Variants in GLT1D1 observed in about 807,000 individuals in gnomAD.
GLT1D1 encodes the protein glycosyltransferase 1 domain-containing protein 1.
GLT1D1 carries 21 observed loss-of-function variants against 28.7 expected under a neutral mutation model. The observed-to-expected ratio is 0.73, with a 90% CI of 0.52 to 1.05. The LOEUF (loss-of-function observed/expected upper bound fraction) is 1.05. Among genes scored for constraint, GLT1D1 ranks in the 50% least tolerant of loss-of-function variants. The probability of loss-of-function intolerance (pLI) is 0.00; values close to 1 mark genes in which losing one functional copy is unlikely to be tolerated. For missense variants in GLT1D1, 343 were observed against 330.6 expected, an observed-to-expected ratio of 1.04 and a Z score of -0.29; for synonymous variants, 147 against 124.8, an observed-to-expected ratio of 1.18 and a Z score of -1.19.
At chr12:128,859,785 T>C (rs1336384173) in intron 1 of GLT1D1, among the ~76,000 whole-genome samples, 1 of 151,972 alleles carries the variant, frequency 6.6e-6, no homozygotes, top group Non-Finnish European at 1.5e-5. Context: ...GGCAGTTGAG[T>C]GTGGGGAATG....
chr12:128,889,835 C>T (rs908707270), intron 3 of GLT1D1, among the ~76,000 whole-genome samples: 4 of 152,232 alleles, frequency 2.6e-5, no homozygotes, highest in East Asian at 1.9e-4. Flanking sequence ...AGCGCAATGG[C>T]GCGATCTTGG....
intron 7 of GLT1D1, among the ~76,000 whole-genome samples, chr12:128,980,160 C>T (rs536752373): frequency 7.2e-5 from 11 of 152,180 alleles, no homozygotes; most frequent in East Asian, 1.9e-4. Flanking sequence ...AGCCACATCC[C>T]GGGACCTTTG....
At chr12:128,913,200 C>T (rs1169823313) in intron 4 of GLT1D1, among the ~76,000 whole-genome samples, 1 of 151,982 alleles carries the variant, frequency 6.6e-6, no homozygotes, top group Non-Finnish European at 1.5e-5. Context: ...CTTCATCAAA[C>T]CCTCTGAGGT....
chr12:128,937,026 A>G (rs1157501932), intron 4 of GLT1D1, among the ~76,000 whole-genome samples: 1 of 152,212 alleles, frequency 6.6e-6, no homozygotes, highest in Non-Finnish European at 1.5e-5. Flanking sequence ...AGTTTTAGAT[A>G]AAGTGTTTTT....
intron 6 of GLT1D1, 151 bp downstream of exon 10, chr12:128,947,609 C>G (rs1424266124): frequency 1.3e-6 from 1 of 758,266 alleles, no homozygotes; most frequent in African/African-American, 1.7e-5. Flanking sequence ...TTCAAAAGTA[C>G]TTTTGAAGTT....
At chr12:128,860,120 G>A (rs12425323) in intron 1 of GLT1D1, among the ~76,000 whole-genome samples, 1 of 152,106 alleles carries the variant, frequency 6.6e-6, no homozygotes, top group African/African-American at 2.4e-5. Context: ...CCTAAGCAAT[G>A]TAACATTAGC....
intron 2 of GLT1D1, among the ~76,000 whole-genome samples, chr12:128,887,494 TACACAC>T (rs58713965): frequency 9.6e-4 from 139 of 145,464 alleles, no homozygotes; most frequent in South Asian, 3.1e-3. Flanking sequence ...TCTATGTGAG[TACACAC>T]ACACACACAC....
At chr12:128,886,948 T>C (rs913159063) in intron 2 of GLT1D1, among the ~76,000 whole-genome samples, 2 of 152,098 alleles carry the variant, frequency 1.3e-5, no homozygotes, top group African/African-American at 4.8e-5. Flanking sequence ...CTTACAGGTC[T>C]GTAGTAAGAA....
intron 4 of GLT1D1, among the ~76,000 whole-genome samples, chr12:128,930,676 G>A (rs560096324): frequency 7.3e-5 from 11 of 151,622 alleles, no homozygotes; most frequent in African/African-American, 1.2e-4. Flanking sequence ...AAGCTGGTAC[G>A]GGGGGCAAAC....
At chr12:128,928,015 A>AAAC (rs1555270100) in intron 4 of GLT1D1, among the ~76,000 whole-genome samples, 3 of 143,040 alleles carry the variant, frequency 2.1e-5, no homozygotes, top group Non-Finnish European at 4.7e-5. Context: ...AAAAAAAAAA[A>AAAC]AAAAAAAAAA....
At chr12:128,917,570 G>A (rs1417130952) in intron 4 of GLT1D1, among the ~76,000 whole-genome samples, 1 of 152,114 alleles carries the variant, frequency 6.6e-6, no homozygotes, top group Non-Finnish European at 1.5e-5. Context: ...GAGCCACCTC[G>A]CCTAGCCTCC....
intron 6 of GLT1D1, among the ~76,000 whole-genome samples, chr12:128,950,096 C>T (rs1032651991): frequency 6.6e-6 from 1 of 152,000 alleles, no homozygotes; most frequent in Non-Finnish European, 1.5e-5. Flanking sequence ...TGTGTGGATA[C>T]GGCAGTGCGA....
intron 2 of GLT1D1, among the ~76,000 whole-genome samples, chr12:128,878,670 C>A (rs1438549807): frequency 6.6e-6 from 1 of 151,768 alleles, no homozygotes. Context: ...TGCAGTGATA[C>A]AATCTTGGCT....
intron 1 of GLT1D1, among the ~76,000 whole-genome samples, chr12:128,863,527 C>T (rs1235721917): frequency 6.6e-6 from 1 of 151,958 alleles, no homozygotes; most frequent in African/African-American, 2.4e-5. Flanking sequence ...CATGTGCCAC[C>T]GCACCCAGCT....
chr12:128,942,620 C>T (rs1211750673), intron 4 of GLT1D1, among the ~76,000 whole-genome samples: 1 of 151,536 alleles, frequency 6.6e-6, no homozygotes, highest in African/African-American at 2.4e-5. Context: ...ATGGAAGACG[C>T]CATCAGGTTT....
At chr12:128,865,194 A>C (rs1200828561) in intron 1 of GLT1D1, among the ~76,000 whole-genome samples, 1 of 151,738 alleles carries the variant, frequency 6.6e-6, no homozygotes, top group Non-Finnish European at 1.5e-5. Context: ...ACCTTCCCAG[A>C]CCCCTGTGAA....
chr12:128,895,458 A>ATTTT (rs534937317), intron 3 of GLT1D1, among the ~76,000 whole-genome samples: 1 of 137,494 alleles, frequency 7.3e-6, no homozygotes, highest in Non-Finnish European at 1.6e-5. Flanking sequence ...TACAGAAGCT[A>ATTTT]TTTTTTTTTT....
chr12:128,968,593 G>T (rs1878718727), intron 7 of GLT1D1, among the ~76,000 whole-genome samples: 1 of 152,040 alleles, frequency 6.6e-6, no homozygotes. Flanking sequence ...AACCCGGAGG[G>T]TGGGGGTTGC....
rs549638635 is a variant in GLT1D1, at chr12:128,870,927, G to A, written c.69-4987G>A. The stretch of plus-strand genomic sequence containing the variant: ...AATCGCTTGAACCCGTGAGGCAGAG[G>A]TTGCAACGAGCTGAGATTATGCCAC... On this transcript the variant is annotated intron_variant, in intron 1 of 7. Transcript: ENST00000281703. Among the ~76,000 whole-genome samples, 3 of 152,254 alleles carry A rather than the reference G, an allele frequency of 2.0e-5. No homozygotes were observed. The East Asian group carries it at 5.8e-4, about 29-fold the overall frequency.
Sources: allele counts gnomAD v4.1 joint callset (sites outside exome capture counted in the v4.1 genomes callset), GRCh38; gene constraint gnomAD v4.1.1; transcripts MANE v1.5; gene names NCBI Gene and HGNC (gene_info 2026-07-23, HGNC 2026-07-21).